Variants in SRCIN1 observed in about 807,000 individuals in gnomAD.
SRCIN1 encodes the protein P130Cas-associated protein.
Under a neutral mutation model 116.2 loss-of-function variants are expected in SRCIN1, and 50 were observed. The ratio of observed to expected loss-of-function variants is 0.43; its 90% CI spans 0.34 to 0.54. The LOEUF (loss-of-function observed/expected upper bound fraction) is 0.54. SRCIN1 is among the 20% of genes least tolerant of loss of function. The pLI, the probability that SRCIN1 is intolerant of heterozygous loss-of-function variation, is 0.02. For synonymous variants in SRCIN1, 736 were observed against 750.0 expected (o/e 0.98, Z 0.30); for missense variants, 1,446 against 1,672.0 (o/e 0.86, Z 2.36).
chr17:38,548,712 G>C lies in SRCIN1; in HGVS notation c.3118-3C>G, dbSNP rs760968331. ...TCCAGCTCCTCGGACTCAGCCTTCT[G>C]CAAGGCCCGGGACTCCTGTCAAGGC... On this transcript the variant is annotated splice_region_variant and splice_polypyrimidine_tract_variant and intron_variant, in intron 16 of 18. Coordinates refer to ENST00000617146, the MANE Select transcript of SRCIN1 (RefSeq NM_025248.3). The C allele has an allele frequency of 6.3e-7, 1 of 1,591,188 alleles. No individual in the cohort carries two copies.
Position 38,552,463 on chromosome 17 carries a change from G to A in SRCIN1, c.2464C>T (p.Leu822=), listed in dbSNP as rs750120445. The A allele has an allele frequency of 6.2e-7, 1 of 1,602,620 alleles. No individual in the cohort carries two copies. The part of the protein sequence containing the change: ...LKRCRGVTDT[L]AQIRRQVDEG... ...CAGAATGACCTTCGGATCTGGGCCA[G>A]CGTGTCCGTGACCCCGCGGCAGCGC... The change falls in exon 13 of 19, where the codon CTG becomes TTG. Residue 822 remains leucine (L), a synonymous_variant. Transcript: ENST00000617146. The surrounding 1 kb of genome is among the most constrained non-coding windows in gnomAD (Gnocchi z 5.3).
intron 17 of SRCIN1, among the ~76,000 whole-genome samples, chr17:38,547,239 G>A (rs1318502286): frequency 6.6e-6 from 1 of 152,194 alleles, no homozygotes; most frequent in Non-Finnish European, 1.5e-5. Context: ...GTGGTGTCCT[G>A]GCCCCCAGCG....
intron 1 of SRCIN1, among the ~76,000 whole-genome samples, chr17:38,586,536 C>T (rs1379786957): frequency 6.7e-6 from 1 of 150,058 alleles, no homozygotes; most frequent in African/African-American, 2.4e-5. Flanking sequence ...CATGGACTCC[C>T]TTCCCCAGGG....
chr17:38,557,394 G>A (rs1220155629), intron 11 of SRCIN1, among the ~76,000 whole-genome samples: 1 of 152,252 alleles, frequency 6.6e-6, no homozygotes, highest in African/African-American at 2.4e-5. Flanking sequence ...GAACTGCCCT[G>A]ATCACTCAGC....
In SRCIN1 at chr17:38,533,968, TCCACCA is replaced by T. The variant is rs142815334; in HGVS notation, c.3418-543_3418-538del. On this transcript the variant is annotated intron_variant, in intron 18 of 18. Coordinates refer to ENST00000617146, the MANE Select transcript of SRCIN1 (RefSeq NM_025248.3). ...GGGAATAAACACTTCAAAGACCCCG[TCCACCA>T]CCACCACCACCACCACCTGGAAATC... Among the ~76,000 whole-genome samples the T allele has an allele frequency of 1.8e-4, 28 of 151,862 alleles. No individual in the cohort carries two copies. The East Asian group carries it at 2.5e-3, about 14-fold the overall frequency.
intron 18 of SRCIN1, chr17:38,543,115 C>A (rs778073154): frequency 2.2e-6 from 1 of 456,768 alleles, no homozygotes; most frequent in Admixed American, 2.3e-5. Context: ...CTCCACACAG[C>A]CTCCGCGCCT....
At position 38,572,909 on chromosome 17, in the gene SRCIN1, G is replaced by C. The variant is rs1304059236; in HGVS notation, c.325-4678C>G. ...ACCTGGCGCGGCGCTGCGCGCCGCC[G>C]TGCACATCCCCTCTCGCGGCCCCCT... On this transcript the variant is annotated intron_variant, in intron 2 of 18. Transcript: ENST00000617146. The surrounding 1 kb of genome is among the most constrained non-coding windows in gnomAD (Gnocchi z 4.3). 6.7e-6 allele frequency: 1 copy of C among 149,792 alleles called. No homozygotes were observed. Among genetic ancestry groups the C allele is most frequent in the African/African-American group, 2.4e-5 (1 of 40,982 alleles). 9.3% of individuals were successfully genotyped at this position (149,792 alleles called of 1,614,324 possible).
chr17:38,576,656 G>A (rs150168069), intron 2 of SRCIN1, among the ~76,000 whole-genome samples: 6 of 151,962 alleles, frequency 3.9e-5, no homozygotes, highest in East Asian at 1.9e-4. Context: ...GCTCAAACCC[G>A]TCTCTGTATA....
At chr17:38,597,225 C>T (rs571207649) in intron 1 of SRCIN1, among the ~76,000 whole-genome samples, 4 of 152,334 alleles carry the variant, frequency 2.6e-5, no homozygotes, top group African/African-American at 4.8e-5. Context: ...ATGTGTCTAG[C>T]CCCAGAGAAC....
At chr17:38,589,726 T>G (rs1908339837) in intron 1 of SRCIN1, among the ~76,000 whole-genome samples, 1 of 152,122 alleles carries the variant, frequency 6.6e-6, no homozygotes, top group Non-Finnish European at 1.5e-5. Context: ...GCTCTGCTGA[T>G]GGGGAAGGAC....
rs551056140 is a variant in SRCIN1, at chr17:38,550,317, A to AC, written c.2962+837dup. 2.8e-3 allele frequency among the ~76,000 whole-genome samples: 421 copies of AC among 152,040 alleles called. No individual in the cohort carries two copies. The Middle Eastern group carries it at 0.031, about 11-fold the overall frequency. On this transcript the variant is annotated intron_variant, in intron 15 of 18. Coordinates refer to ENST00000617146, the MANE Select transcript of SRCIN1 (RefSeq NM_025248.3). ...AGACCATCCTGGCTAACACGGTGAG[A>AC]CCCCATCTCTACTAAAAATACAAAA... is the stretch of plus-strand genomic sequence containing the variant.
chr17:38,563,024 C>T lies in SRCIN1; in HGVS notation c.741-104G>A. 9.9e-7 allele frequency: 1 copy of T among 1,005,846 alleles called. No homozygotes were observed. The highest frequency in any genetic ancestry group is 1.5e-6 in the Non-Finnish European group (1 of 665,606). The allele number at this position is 1,005,846 out of a possible 1,614,324, so 62.3% of individuals were successfully genotyped here. ...AGAGAAGAGGGGTGGCCAGAGGCACCGGGAGCCCCATCTCAGGCTGCCTGC... is the reference window on the plus strand; with the variant it reads ...AGAGAAGAGGGGTGGCCAGAGGCACTGGGAGCCCCATCTCAGGCTGCCTGC... On this transcript the variant is annotated intron_variant, in intron 5 of 18. Transcript: ENST00000617146. The surrounding 1 kb of genome is among the most constrained non-coding windows in gnomAD (Gnocchi z 5.8).
chr17:38,540,770 T>TGTGTGTGA (rs1555604854), intron 18 of SRCIN1, among the ~76,000 whole-genome samples: 3 of 144,976 alleles, frequency 2.1e-5, no homozygotes, highest in African/African-American at 8.2e-5. Flanking sequence ...TGTGTGTGTG[T>TGTGTGTGA]GTGACACACA....
chr17:38,544,043 T>C lies in SRCIN1; in HGVS notation c.3271-74A>G. 2 of 1,482,100 alleles carry C rather than the reference T, an allele frequency of 1.3e-6. No individual in the cohort carries two copies. The highest frequency in any genetic ancestry group is 1.4e-5 in the African/African-American group (1 of 71,940). 91.8% of individuals were successfully genotyped at this position (1,482,100 alleles called of 1,614,324 possible). The stretch of plus-strand genomic sequence containing the variant: ...ATCACACAGGAACCCTAGCACTGGG[T>C]GGGGTCTCGGGGCTGGGACCTCCTC... On this transcript the variant is annotated intron_variant, in intron 17 of 18. Transcript: ENST00000617146. This position sits in a 1 kb window ranked among gnomAD's most constrained non-coding sequence, Gnocchi z 4.5.
At chr17:38,553,031 G>T (rs1001729969) in intron 11 of SRCIN1, among the ~76,000 whole-genome samples, 176 bp from the exon 12 acceptor site, 5 of 152,178 alleles carry the variant, frequency 3.3e-5, no homozygotes, top group Non-Finnish European at 4.4e-5. Context: ...GAGGCAGGCG[G>T]ATCACTTGAG....
intron 1 of SRCIN1, among the ~76,000 whole-genome samples, chr17:38,596,999 C>T (rs1393809150): frequency 1.3e-5 from 2 of 151,972 alleles, no homozygotes; most frequent in African/African-American, 4.8e-5. Context: ...CCCTTCCTGC[C>T]GGGAGACACT....
chr17:38,534,000 TGAG>T (rs967912790), intron 18 of SRCIN1, among the ~76,000 whole-genome samples: 1 of 152,024 alleles, frequency 6.6e-6, no homozygotes, highest in Admixed American at 6.5e-5. Flanking sequence ...CCTGGAAATC[TGAG>T]AAGAAGGCGC....
Position 38,591,206 on chromosome 17 carries a change from G to A in SRCIN1, c.23-12415C>T, listed in dbSNP as rs1263742045. Among the ~76,000 whole-genome samples, 6 of 152,332 alleles carry A rather than the reference G, an allele frequency of 3.9e-5. No homozygotes were observed. The East Asian group carries it at 7.7e-4, about 20-fold the overall frequency. On this transcript the variant is annotated intron_variant, in intron 1 of 18. Coordinates refer to ENST00000617146, the MANE Select transcript of SRCIN1 (RefSeq NM_025248.3). Reference sequence around the variant, plus strand: ...CCAGTCAGGTCTTAGATACTTCCAGGAAAGGAGAACTCATTACATCCAAAG... The same window carrying A: ...CCAGTCAGGTCTTAGATACTTCCAGAAAAGGAGAACTCATTACATCCAAAG...
At position 38,551,989 on chromosome 17, in the gene SRCIN1, C is replaced by T. The variant is rs118010851; in HGVS notation, c.2624G>A (p.Ser875Asn). Reference protein sequence around the residue: ...PSPPLNLHELSGPAEGASLTP... With the variant: ...PSPPLNLHELNGPAEGASLTP... ...AAGAGAGGCTCCTTCAGCTGGCCCG[C>T]TCAGCTCATGCAGGTTCAGCGGGGG... is the stretch of plus-strand genomic sequence containing the variant. Residue 875 changes from serine (S) to asparagine (N), a missense_variant, in exon 14 of 19, where the codon AGC becomes AAC. Around this residue, in one of 5 missense-constraint regions of SRCIN1, gnomAD observed 531 missense variants for 633.9 expected, o/e 0.84. Coordinates refer to ENST00000617146, the MANE Select transcript of SRCIN1 (RefSeq NM_025248.3). The T allele has an allele frequency of 0.032, 52,161 of 1,614,010 alleles. 956 individuals carry two copies. The highest frequency in any genetic ancestry group is 0.038 in the Non-Finnish European group (44,972 of 1,179,900).
Sources: gnomAD v4.1 joint callset for allele counts (sites outside exome capture counted in the v4.1 genomes callset) on GRCh38, gnomAD v4.1.1 for gene constraint, gnomAD v4.1.1 regional missense constraint, Gnocchi (gnomAD v3.1) non-coding constraint, MANE v1.5 for transcripts, NCBI Gene and HGNC (gene_info 2026-07-23, HGNC 2026-07-21) for gene names.